The following SQLE variants were observed in gnomAD, a reference collection of about 807,000 sequenced individuals.
SQLE encodes squalene monooxygenase.
A neutral mutation model predicts 60.7 loss-of-function variants in SQLE; 29 were observed. The observed-to-expected ratio is 0.48, with a 90% CI of 0.36 to 0.65. The LOEUF is 0.65. SQLE is among the 30% of genes least tolerant of loss of function. The pLI is 0.00. For synonymous variants in SQLE, 237 were observed against 246.8 expected (o/e 0.96, Z 0.37); for missense variants, 605 against 684.1 (o/e 0.88, Z 1.29).
chr8:125,017,584 C>A (rs1815129639), intron 7 of SQLE, among the ~76,000 whole-genome samples: 1 of 152,074 alleles, frequency 6.6e-6, no homozygotes. Flanking sequence ...GAATCAGGGA[C>A]CCCAGGAACC....
intron 8 of SQLE, 79 bp from the exon 9 acceptor site, chr8:125,018,552 A>G: frequency 1.1e-6 from 1 of 870,382 alleles, no homozygotes; most frequent in Non-Finnish European, 1.8e-6. Flanking sequence ...AAGGATAAGT[A>G]TCAGTTTGAG....
rs57946751 is a variant in SQLE at position 125,001,449 on chromosome 8, G to GGTGTGTGTGTGTGT, written c.292-1700_292-1687dup. On this transcript the variant is annotated intron_variant, in intron 1 of 10. Coordinates refer to ENST00000265896, the MANE Select transcript of SQLE (RefSeq NM_003129.4). ...TTTTCCTCCAGAGCTCTCCTTTCAGGGTGTGTGTGTGTGTGTGTGTGTGTG... is the reference window on the plus strand; with the variant it reads ...TTTTCCTCCAGAGCTCTCCTTTCAGGGTGTGTGTGTGTGTGTGTGTGTGTGTGTGTGTGTGTGTG... Among the ~76,000 whole-genome samples, 38 of 137,016 alleles carry GGTGTGTGTGTGTGT rather than the reference G, an allele frequency of 2.8e-4. 1 individual carries two copies. The highest frequency in any genetic ancestry group is 1.7e-3 in the South Asian group (7 of 4,030). The allele number at this position is 137,016 out of a possible 152,430, so 89.9% of individuals were successfully genotyped here. A position where few individuals can be genotyped will look rare whatever the true frequency, so the allele number is the denominator to read the frequency against.
At chr8:125,003,026 G>T in intron 1 of SQLE, 150 bp from the exon 2 acceptor site, 3 of 620,106 alleles carry the variant, frequency 4.8e-6, no homozygotes, top group South Asian at 7.8e-5. Flanking sequence ...ATATTATCTA[G>T]ATTTTAAAAT....
intron 3 of SQLE, 72 bp from the exon 4 acceptor site, chr8:125,007,319 A>G: frequency 8.7e-7 from 1 of 1,143,346 alleles, no homozygotes; most frequent in Non-Finnish European, 1.2e-6. Flanking sequence ...TAAACTGGAG[A>G]TAAGGAATTT....
rs1412402984 is a variant in SQLE, at chr8:125,020,205, CT to C, written c.1445-574del. ...AAAAGTTTACCTGTTGCATCCTTTA[CT>C]TTTTAAAATCTGTTGTAAAGAAAAA... On this transcript the variant is annotated intron_variant, in intron 9 of 10. Transcript: ENST00000265896. Among the ~76,000 whole-genome samples the C allele has an allele frequency of 6.6e-5, 10 of 152,244 alleles. No individual in the cohort carries two copies. In the East Asian group the frequency reaches 1.9e-3, roughly 29 times the overall value.
rs762107139 is a variant in SQLE, at chr8:125,018,089, T to C, written c.1235T>C (p.Met412Thr). 1.9e-6 allele frequency: 3 copies of C among 1,613,750 alleles called. No individual in the cohort carries two copies. In the Admixed American group the frequency reaches 5.0e-5, roughly 27 times the overall value. The change falls in exon 8 of 11, where the codon ATG becomes ACG. Residue 412 changes from methionine to threonine, a missense_variant. Physicochemically the swap from Met to Thr is moderately conservative, Grantham distance 81 (BLOSUM62 -1). Coordinates refer to ENST00000265896, the MANE Select transcript of SQLE (RefSeq NM_003129.4). ...CTTCTTTTGGGAGACGCATATAATA[T>C]GAGGCATCCACTTACTGGTGGAGGA... ...GVLLLGDAYN[M>T]RHPLTGGGMT... is the part of the protein sequence containing the mutation.
In SQLE at chr8:125,022,044, T is replaced by C. The variant is rs1469990310; in HGVS notation, c.*99T>C. The C allele has an allele frequency of 3.2e-5, 26 of 810,786 alleles. No individual in the cohort carries two copies. Among genetic ancestry groups the C allele is most frequent in the Admixed American group, 4.2e-5 (1 of 23,856 alleles). 50.2% of individuals were successfully genotyped at this position (810,786 alleles called of 1,614,324 possible). A position where few individuals can be genotyped will look rare whatever the true frequency, so the allele number is the denominator to read the frequency against. Reference sequence around the variant, plus strand: ...ATATAGCATAGTACCATACCACTTATAAAGTGGAAACTCTTGGACCAAGAT... The same window carrying C: ...ATATAGCATAGTACCATACCACTTACAAAGTGGAAACTCTTGGACCAAGAT... On this transcript the variant is annotated 3_prime_UTR_variant, in exon 11 of 11. Coordinates refer to ENST00000265896, the MANE Select transcript of SQLE (RefSeq NM_003129.4).
At chr8:125,007,525 T>C (rs1814972621) in intron 4 of SQLE, 38 bp downstream of exon 4, 1 of 1,389,458 alleles carries the variant, frequency 7.2e-7, no homozygotes, top group Admixed American at 2.3e-5. Context: ...CTAAGAGATG[T>C]TGTTTTTCCT....
chr8:125,021,401 A>G lies in SQLE; in HGVS notation c.1533-352A>G, dbSNP rs137972543. 7.9e-3 allele frequency among the ~76,000 whole-genome samples: 1,196 copies of G among 152,212 alleles called. 19 individuals carry two copies. Among genetic ancestry groups the G allele is most frequent in the Admixed American group, 0.034 (517 of 15,274 alleles). ...GCCCTACATCCCAACAGACCAGGCC[A>G]TCTAGATATTTCAGCGTGGTGTCTC... is the stretch of plus-strand genomic sequence containing the variant. On this transcript the variant is annotated intron_variant, in intron 10 of 10. Coordinates refer to ENST00000265896, the MANE Select transcript of SQLE (RefSeq NM_003129.4).
intron 7 of SQLE, among the ~76,000 whole-genome samples, chr8:125,012,949 T>A (rs1220604086): frequency 6.6e-6 from 1 of 152,252 alleles, no homozygotes; most frequent in Non-Finnish European, 1.5e-5. Context: ...ATAGCCATCC[T>A]AGTAGTGTGA....
rs540924398 is a variant in SQLE, at chr8:125,016,009, C to T, written c.1205-2050C>T. 3.9e-5 allele frequency among the ~76,000 whole-genome samples: 6 copies of T among 152,274 alleles called. No homozygotes were observed. In the South Asian group the frequency reaches 1.2e-3, roughly 32 times the overall value. On this transcript the variant is annotated intron_variant, in intron 7 of 10. Transcript: ENST00000265896. The surrounding 1 kb of genome is among the most constrained non-coding windows in gnomAD (Gnocchi z 4.1). ...GTTTGTTGTTTCCTTTCTCTTGTTG[C>T]TCTTAGGATCTTTTCTATATCCTTG...
At chr8:125,011,372 A>C in intron 6 of SQLE, 165 bp from the exon 7 acceptor site, 3 of 483,334 alleles carry the variant, frequency 6.2e-6, no homozygotes, top group Non-Finnish European at 1.1e-5. Flanking sequence ...TTAATGAATA[A>C]TTTTATTAAT....
At chr8:125,003,148 C>A in intron 1 of SQLE, 28 bp from the exon 2 acceptor site, 1 of 1,554,062 alleles carries the variant, frequency 6.4e-7, no homozygotes. Flanking sequence ...AATTTGGATA[C>A]CTAGTTTACC....
Position 125,022,077 on chromosome 8 carries a change from A to G in SQLE, c.*132A>G. 1.7e-6 allele frequency: 1 copy of G among 596,068 alleles called. No individual in the cohort carries two copies. Among genetic ancestry groups the G allele is most frequent in the Non-Finnish European group, 2.5e-6 (1 of 402,106 alleles). 36.9% of individuals were successfully genotyped at this position (596,068 alleles called of 1,614,324 possible). A position where few individuals can be genotyped will look rare whatever the true frequency, so the allele number is the denominator to read the frequency against. Reference sequence around the variant, plus strand: ...AAACTCTTGGACCAAGATTTGGATTAATTTGTTTTTGAAGTTTTTTGTATA... The same window carrying G: ...AAACTCTTGGACCAAGATTTGGATTGATTTGTTTTTGAAGTTTTTTGTATA... On this transcript the variant is annotated 3_prime_UTR_variant, in exon 11 of 11. Transcript: ENST00000265896.
At chr8:125,014,293 A>G (rs1285313037) in intron 7 of SQLE, among the ~76,000 whole-genome samples, 1 of 152,212 alleles carries the variant, frequency 6.6e-6, no homozygotes, top group Non-Finnish European at 1.5e-5. Flanking sequence ...ACATAGGAAC[A>G]GGAAAAGGAG....
intron 6 of SQLE, chr8:125,011,079 AG>A (rs1365965988): frequency 6.6e-6 from 1 of 152,270 alleles, no homozygotes; most frequent in Non-Finnish European, 1.5e-5. Flanking sequence ...AAGCTCAGAG[AG>A]GTAGGGCTGG....
At chr8:125,014,275 A>G (rs1224894414) in intron 7 of SQLE, among the ~76,000 whole-genome samples, 1 of 152,198 alleles carries the variant, frequency 6.6e-6, no homozygotes. Flanking sequence ...TTTGCCAGCC[A>G]TTTGCTGACA....
intron 7 of SQLE, among the ~76,000 whole-genome samples, chr8:125,013,259 T>C (rs916003612): frequency 3.9e-5 from 6 of 152,164 alleles, no homozygotes; most frequent in Non-Finnish European, 8.8e-5. Context: ...AATTTTCATG[T>C]TTATTTTTTC....
chr8:125,019,880 C>T (rs550110585), intron 9 of SQLE, among the ~76,000 whole-genome samples: 22 of 152,054 alleles, frequency 1.4e-4, no homozygotes, highest in African/African-American at 5.1e-4. Context: ...AAACAAAAAC[C>T]CCACCAATCT....
Sources: allele counts gnomAD v4.1 joint callset (sites outside exome capture counted in the v4.1 genomes callset), GRCh38; gene constraint gnomAD v4.1.1; non-coding constraint Gnocchi (gnomAD v3.1); transcripts MANE v1.5; gene names NCBI Gene and HGNC (gene_info 2026-07-23, HGNC 2026-07-21).